ARFGEF3: variants seen among roughly 807,000 people sequenced by gnomAD.
The protein encoded by ARFGEF3 is brefeldin A-inhibited guanine nucleotide-exchange protein 3.
ARFGEF3 carries 96 observed loss-of-function variants against 221.7 expected under a neutral mutation model. The observed-to-expected ratio is 0.43, with a 90% CI of 0.37 to 0.51. The LOEUF (loss-of-function observed/expected upper bound fraction) is 0.51, where lower values mean the gene tolerates loss of function less well. ARFGEF3 is among the 20% of genes least tolerant of loss of function. The pLI is 0.00. For missense variants in ARFGEF3, 2,410 were observed against 2,789.9 expected, an observed-to-expected ratio of 0.86 and a Z score of 3.07; for synonymous variants, 1,145 against 1,126.8, an observed-to-expected ratio of 1.02 and a Z score of -0.32.
chr6:138,239,521 C>T (rs934621039), intron 6 of ARFGEF3, among the ~76,000 whole-genome samples: 1 of 151,822 alleles, frequency 6.6e-6, no homozygotes, highest in African/African-American at 2.4e-5. Flanking sequence ...TGGTGGTGCA[C>T]ACCTGTAATC....
At chr6:138,264,582 T>G (rs529897812) in intron 12 of ARFGEF3, among the ~76,000 whole-genome samples, 1 of 152,340 alleles carries the variant, frequency 6.6e-6, no homozygotes, top group Middle Eastern at 3.4e-3. Context: ...CACTTAACCT[T>G]GAACTTGTGT....
At chr6:138,299,971 C>T (rs1297354964) in intron 22 of ARFGEF3, among the ~76,000 whole-genome samples, 2 of 151,662 alleles carry the variant, frequency 1.3e-5, no homozygotes, top group Admixed American at 6.6e-5. Context: ...ACAAAACTCC[C>T]CCGAGAGAAA....
At chr6:138,274,341 G>A (rs1344449920) in intron 12 of ARFGEF3, among the ~76,000 whole-genome samples, 3 of 152,172 alleles carry the variant, frequency 2.0e-5, no homozygotes, top group Non-Finnish European at 4.4e-5. Context: ...GAAGGAGACT[G>A]GTCTTGTGCC....
chr6:138,283,137 G>A (rs1007621445), intron 14 of ARFGEF3, among the ~76,000 whole-genome samples: 20 of 152,246 alleles, frequency 1.3e-4, no homozygotes, highest in Admixed American at 7.9e-4. Flanking sequence ...CTTGATTTCC[G>A]TTTGTTTTCA....
intron 2 of ARFGEF3, among the ~76,000 whole-genome samples, chr6:138,177,248 C>A (rs1359528936): frequency 1.3e-5 from 2 of 150,984 alleles, no homozygotes; most frequent in Admixed American, 6.6e-5. Context: ...GTCACCACAC[C>A]CAGCTAATTT....
chr6:138,322,127 G>A (rs1780042392), intron 29 of ARFGEF3, among the ~76,000 whole-genome samples: 1 of 152,120 alleles, frequency 6.6e-6, no homozygotes. Flanking sequence ...ATGTGGGTGG[G>A]CCTCGTCCAA....
intron 10 of ARFGEF3, among the ~76,000 whole-genome samples, chr6:138,259,931 GAATTTATTACCAGTGAATATCT>G (rs1778756090): frequency 6.6e-6 from 1 of 151,870 alleles, no homozygotes. Context: ...AAAAATTATC[GAATTTATTACCAGTGAATATCT>G]AATTTATTAC....
chr6:138,239,618 C>G (rs1045178713), intron 6 of ARFGEF3, among the ~76,000 whole-genome samples: 2 of 144,726 alleles, frequency 1.4e-5, no homozygotes, highest in African/African-American at 2.6e-5. Flanking sequence ...CCACTGCACT[C>G]TAGCCTGGGT....
At chr6:138,189,035 G>A (rs1777244399) in intron 2 of ARFGEF3, among the ~76,000 whole-genome samples, 1 of 152,174 alleles carries the variant, frequency 6.6e-6, no homozygotes, top group Non-Finnish European at 1.5e-5. Context: ...GATGCTTGTT[G>A]CCAAAATGAA....
In ARFGEF3 at chr6:138,261,545, C is replaced by A. The variant is rs140773391; in HGVS notation, c.1123C>A (p.Arg375Ser). The change falls in exon 11 of 34, where the codon CGT becomes AGT. Residue 375 changes from arginine to serine, a missense_variant. By Grantham distance (110) the Arg-to-Ser change is moderately radical (BLOSUM62 -1). Coordinates refer to ENST00000251691, the MANE Select transcript of ARFGEF3 (RefSeq NM_020340.5). ...IMKEILGSPQRLCDLAGPSST... is the reference protein window; with the variant it reads ...IMKEILGSPQSLCDLAGPSST... ...CTTTAAGATACTTGGGAGCCCACAG[C>A]GTCTCTGTGACTTGGCAGGACCCAG... The A allele has an allele frequency of 7.0e-6, 11 of 1,570,950 alleles. No individual in the cohort carries two copies. The highest frequency in any genetic ancestry group is 6.9e-6 in the Non-Finnish European group (8 of 1,156,858).
intron 20 of ARFGEF3, 93 bp from the exon 21 acceptor site, chr6:138,296,717 C>G (rs1232929903): frequency 2.1e-6 from 3 of 1,450,940 alleles, no homozygotes; most frequent in African/African-American, 1.4e-5. Flanking sequence ...CCTACTGGTC[C>G]TACCTAGATT....
intron 2 of ARFGEF3, among the ~76,000 whole-genome samples, chr6:138,204,339 CAAA>C (rs11336345): frequency 1.7e-5 from 1 of 60,424 alleles, no homozygotes. Flanking sequence ...ACTCCATCTC[CAAA>C]AAAAAAAAAA....
At chr6:138,177,307 T>C (rs557054087) in intron 2 of ARFGEF3, among the ~76,000 whole-genome samples, 1 of 152,102 alleles carries the variant, frequency 6.6e-6, no homozygotes, top group South Asian at 2.1e-4. Context: ...TTGGTAGAGA[T>C]TGGGTTTCAT....
At chr6:138,190,692 A>G (rs989614379) in intron 2 of ARFGEF3, among the ~76,000 whole-genome samples, 2 of 152,202 alleles carry the variant, frequency 1.3e-5, no homozygotes, top group Admixed American at 1.3e-4. Flanking sequence ...CGATTCGAAC[A>G]GGAACAGTTC....
intron 2 of ARFGEF3, among the ~76,000 whole-genome samples, chr6:138,194,268 CAA>C (rs11349885): frequency 8.9e-4 from 83 of 92,864 alleles, no homozygotes; most frequent in Admixed American, 1.5e-3. Flanking sequence ...ACTCCGTCTC[CAA>C]AAAAAAAAAA....
chr6:138,272,981 C>T (rs1208715748), intron 12 of ARFGEF3, among the ~76,000 whole-genome samples: 3 of 152,082 alleles, frequency 2.0e-5, no homozygotes, highest in African/African-American at 7.2e-5. Context: ...GCATTAAGAT[C>T]AAATAAATCA....
At chr6:138,176,118 A>G (rs987297833) in intron 2 of ARFGEF3, among the ~76,000 whole-genome samples, 4 of 151,466 alleles carry the variant, frequency 2.6e-5, no homozygotes, top group African/African-American at 9.7e-5. Context: ...CTGTACTTTC[A>G]GTCTACACAT....
intron 5 of ARFGEF3, among the ~76,000 whole-genome samples, chr6:138,230,429 A>G (rs1583023263): frequency 6.6e-6 from 1 of 152,194 alleles, no homozygotes; most frequent in South Asian, 2.1e-4. Flanking sequence ...TTTTGGAAAC[A>G]CTATCATTTC....
intron 32 of ARFGEF3, among the ~76,000 whole-genome samples, chr6:138,330,685 A>C (rs963358763): frequency 6.6e-6 from 1 of 152,070 alleles, no homozygotes; most frequent in Non-Finnish European, 1.5e-5. Flanking sequence ...ACCAACAAAC[A>C]AAAAGTTTGC....
Sources: gnomAD v4.1 joint callset for allele counts (sites outside exome capture counted in the v4.1 genomes callset) on GRCh38, gnomAD v4.1.1 for gene constraint, MANE v1.5 for transcripts, NCBI Gene and HGNC (gene_info 2026-07-23, HGNC 2026-07-21) for gene names.